Variants in ZFPM2 observed in about 807,000 individuals in gnomAD.
ZFPM2 encodes the protein zinc finger protein ZFPM2.
In ZFPM2, 20 loss-of-function variants were observed where a neutral mutation model predicts 98.6. The ratio of observed to expected loss-of-function variants is 0.20; its 90% confidence interval spans 0.14 to 0.29. ZFPM2 has a LOEUF of 0.29. Among genes scored for constraint, ZFPM2 ranks in the 10% least tolerant of loss-of-function variants. ZFPM2 has a pLI of 1.00. For synonymous variants in ZFPM2, 518 were observed against 502.7 expected, an observed-to-expected ratio of 1.03 and a Z score of -0.41; for missense variants, 1,310 against 1,388.6, an observed-to-expected ratio of 0.94 and a Z score of 0.90.
At chr8:105,688,835 T>C (rs1367998827) in intron 5 of ZFPM2, among the ~76,000 whole-genome samples, 1 of 152,150 alleles carries the variant, frequency 6.6e-6, no homozygotes, top group Non-Finnish European at 1.5e-5. Flanking sequence ...ATATTGTCTA[T>C]TATGTACATA....
intron 1 of ZFPM2, among the ~76,000 whole-genome samples, chr8:105,337,751 T>TG (rs1334957974): frequency 1.6e-5 from 1 of 62,562 alleles, no homozygotes; most frequent in Non-Finnish European, 2.7e-5. Context: ...TCATAGTTCA[T>TG]GTTTTTTTTT....
chr8:105,753,842 G>T (rs1812529386), intron 5 of ZFPM2, among the ~76,000 whole-genome samples: 2 of 152,098 alleles, frequency 1.3e-5, no homozygotes, highest in African/African-American at 4.8e-5. Context: ...ATTGCTGCTA[G>T]TTAAATGTGT....
At chr8:105,719,398 A>C (rs1246388016) in intron 5 of ZFPM2, among the ~76,000 whole-genome samples, 1 of 151,898 alleles carries the variant, frequency 6.6e-6, no homozygotes, top group African/African-American at 2.4e-5. Flanking sequence ...TTGGTGCTGA[A>C]TAAAACAAAA....
chr8:105,638,301 G>A (rs1816887790), intron 5 of ZFPM2, among the ~76,000 whole-genome samples: 1 of 151,976 alleles, frequency 6.6e-6, no homozygotes, highest in East Asian at 1.9e-4. Context: ...AATTAACCCT[G>A]CATGAGCCAC....
intron 5 of ZFPM2, among the ~76,000 whole-genome samples, chr8:105,766,355 G>A (rs1034609948): frequency 6.6e-6 from 1 of 151,876 alleles, no homozygotes; most frequent in African/African-American, 2.4e-5. Flanking sequence ...AATCAAAAGT[G>A]ATAGCTAGGA....
intron 4 of ZFPM2, among the ~76,000 whole-genome samples, chr8:105,628,441 C>T (rs1473109069): frequency 2.0e-5 from 3 of 152,130 alleles, no homozygotes; most frequent in Non-Finnish European, 2.9e-5. Context: ...GGGTCGCTGG[C>T]AAAAACCCCA....
At chr8:105,500,712 A>T (rs554561550) in intron 3 of ZFPM2, among the ~76,000 whole-genome samples, 1 of 152,156 alleles carries the variant, frequency 6.6e-6, no homozygotes, top group Non-Finnish European at 1.5e-5. Context: ...ACATAAACCT[A>T]TGTTGTTTTA....
At chr8:105,524,789 G>A (rs1814139033) in intron 3 of ZFPM2, among the ~76,000 whole-genome samples, 1 of 152,124 alleles carries the variant, frequency 6.6e-6, no homozygotes, top group Non-Finnish European at 1.5e-5. Flanking sequence ...CTGCACAAGT[G>A]TCAACTTTCT....
At chr8:105,549,803 T>C (rs943359761) in intron 3 of ZFPM2, among the ~76,000 whole-genome samples, 1 of 151,716 alleles carries the variant, frequency 6.6e-6, no homozygotes, top group East Asian at 1.9e-4. Flanking sequence ...TTTGTAGAGA[T>C]ATGGTCTCAC....
At chr8:105,707,799 A>G (rs1811297592) in intron 5 of ZFPM2, among the ~76,000 whole-genome samples, 1 of 152,176 alleles carries the variant, frequency 6.6e-6, no homozygotes, top group Non-Finnish European at 1.5e-5. Flanking sequence ...TTCCCCACAA[A>G]CTGACTGTTT....
intron 1 of ZFPM2, among the ~76,000 whole-genome samples, chr8:105,343,774 A>C (rs1812470872): frequency 6.6e-6 from 1 of 152,132 alleles, no homozygotes; most frequent in Admixed American, 6.6e-5. Flanking sequence ...AGTTGGGGTA[A>C]AACAGGAGTA....
intron 1 of ZFPM2, among the ~76,000 whole-genome samples, chr8:105,414,301 C>T (rs533519498): frequency 6.6e-6 from 1 of 152,070 alleles, no homozygotes; most frequent in South Asian, 2.1e-4. Flanking sequence ...CCTATTAATA[C>T]ATGATAATGT....
chr8:105,716,520 C>T (rs1811527951), intron 5 of ZFPM2, among the ~76,000 whole-genome samples: 1 of 151,942 alleles, frequency 6.6e-6, no homozygotes, highest in Admixed American at 6.6e-5. Flanking sequence ...AATCCTCAAT[C>T]AGGTATATTA....
At chr8:105,443,458 A>AT (rs749032003) in intron 2 of ZFPM2, among the ~76,000 whole-genome samples, 3 of 151,928 alleles carry the variant, frequency 2.0e-5, no homozygotes, top group Non-Finnish European at 4.4e-5. Flanking sequence ...AAATATTAGT[A>AT]TTTTAAAGTA....
At chr8:105,353,475 A>G (rs1235668636) in intron 1 of ZFPM2, among the ~76,000 whole-genome samples, 2 of 152,192 alleles carry the variant, frequency 1.3e-5, no homozygotes, top group African/African-American at 2.4e-5. Context: ...TAAACAACCT[A>G]TGCCCAGGAA....
intron 4 of ZFPM2, among the ~76,000 whole-genome samples, chr8:105,598,767 A>G (rs1816027155): frequency 6.6e-6 from 1 of 151,960 alleles, no homozygotes. Context: ...CCTTTCAAAA[A>G]CTCTTTATGT....
chr8:105,400,863 C>T (rs1029024492), intron 1 of ZFPM2, among the ~76,000 whole-genome samples: 12 of 151,970 alleles, frequency 7.9e-5, no homozygotes, highest in Non-Finnish European at 1.3e-4. Flanking sequence ...ACATTGACAC[C>T]GGGGCTAAGT....
intron 5 of ZFPM2, among the ~76,000 whole-genome samples, chr8:105,720,327 T>G (rs1811630746): frequency 6.6e-6 from 1 of 151,912 alleles, no homozygotes; most frequent in African/African-American, 2.4e-5. Context: ...TTCACAAAAC[T>G]TTGATTCAAG....
chr8:105,798,069 T>C (rs1813886790), intron 6 of ZFPM2: 1 of 152,232 alleles, frequency 6.6e-6, no homozygotes, highest in Admixed American at 6.5e-5. Context: ...CTAACATTAG[T>C]TCAGCCCTTA....
Sources: allele counts gnomAD v4.1 joint callset (sites outside exome capture counted in the v4.1 genomes callset), GRCh38; gene constraint gnomAD v4.1.1; transcripts MANE v1.5; gene names NCBI Gene and HGNC (gene_info 2026-07-23, HGNC 2026-07-21).